AKR1C8: variants seen among roughly 807,000 people sequenced by gnomAD.
The protein encoded by AKR1C8 is aldo-keto reductase family 1 member C-like protein 1.
At chr10:5,132,268 A>C in the AKR1C8 span, among the ~76,000 whole-genome samples, 1 of 152,286 alleles carries the variant, frequency 6.6e-6, no homozygotes, top group African/African-American at 2.4e-5. Context: ...TAAATCTCAG[A>C]ATCATCACTA....
At chr10:5,132,484 T>G in the AKR1C8 span, 1 of 947,208 alleles carries the variant, frequency 1.1e-6, no homozygotes, top group South Asian at 3.4e-5. Flanking sequence ...TGAATATGTG[T>G]CAATAAATTG....
chr10:5,117,822 T>C, the AKR1C8 span, among the ~76,000 whole-genome samples: 1 of 152,012 alleles, frequency 6.6e-6, no homozygotes, highest in African/African-American at 2.4e-5. Context: ...ATGAAAAAAG[T>C]AATAAAGCCA....
chr10:5,130,871 G>C, the AKR1C8 span, among the ~76,000 whole-genome samples: 4 of 151,740 alleles, frequency 2.6e-5, no homozygotes, highest in African/African-American at 9.7e-5. Flanking sequence ...AACCACAAAA[G>C]AGCCACAATA....
chr10:5,178,274 A>C, the AKR1C8 span, among the ~76,000 whole-genome samples: 1 of 152,022 alleles, frequency 6.6e-6, no homozygotes, highest in Non-Finnish European at 1.5e-5. Flanking sequence ...TTCAGTTTCC[A>C]TGTAGTTGAG....
At chr10:5,181,030 T>A in the AKR1C8 span, among the ~76,000 whole-genome samples, 4 of 152,320 alleles carry the variant, frequency 2.6e-5, no homozygotes, top group Non-Finnish European at 4.4e-5. Flanking sequence ...CCTTGTGAGA[T>A]GAACCCGGTA....
At chr10:5,158,432 G>A in the AKR1C8 span, among the ~76,000 whole-genome samples, 1 of 152,198 alleles carries the variant, frequency 6.6e-6, no homozygotes, top group Non-Finnish European at 1.5e-5. Context: ...AAGAATGTTG[G>A]TGACATTTAA....
At chr10:5,155,210 A>C in the AKR1C8 span, 16 of 152,310 alleles carry the variant, frequency 1.1e-4, no homozygotes, top group African/African-American at 3.6e-4. Flanking sequence ...TCCTGTATTA[A>C]TACTTAAATT....
the AKR1C8 span, among the ~76,000 whole-genome samples, chr10:5,168,130 A>C: frequency 6.6e-6 from 1 of 152,212 alleles, no homozygotes; most frequent in South Asian, 2.1e-4. Flanking sequence ...ATACTATCCA[A>C]CAACTAGATC....
At chr10:5,161,264 T>G in the AKR1C8 span, among the ~76,000 whole-genome samples, 1 of 152,198 alleles carries the variant, frequency 6.6e-6, no homozygotes, top group African/African-American at 2.4e-5. Context: ...TGGAGGACAG[T>G]GCTTAATATA....
At chr10:5,179,958 C>A in the AKR1C8 span, among the ~76,000 whole-genome samples, 19,453 of 152,184 alleles carry the variant, frequency 0.13, 1,503 homozygotes, top group Admixed American at 0.17. Context: ...TCATCTGAAG[C>A]CTTCTTCTCT....
chr10:5,117,830 C>A, the AKR1C8 span, among the ~76,000 whole-genome samples: 1 of 152,120 alleles, frequency 6.6e-6, no homozygotes, highest in African/African-American at 2.4e-5. Context: ...AGTAATAAAG[C>A]CAGAATTCAC....
chr10:5,155,654 G>T, the AKR1C8 span: 1 of 461,538 alleles, frequency 2.2e-6, no homozygotes. Flanking sequence ...GCCTGTGAGA[G>T]AATCTACAAG....
At chr10:5,130,740 C>T in the AKR1C8 span, among the ~76,000 whole-genome samples, 2 of 151,752 alleles carry the variant, frequency 1.3e-5, no homozygotes, top group African/African-American at 4.8e-5. Context: ...AACATCTCTA[C>T]AAGGAAAACT....
chr10:5,123,550 C>T, the AKR1C8 span: 3 of 658,446 alleles, frequency 4.6e-6, no homozygotes, highest in Non-Finnish European at 7.7e-6. Flanking sequence ...CAAGTGAGGC[C>T]CCTGAATAAC....
chr10:5,119,417 A>T, the AKR1C8 span, among the ~76,000 whole-genome samples: 1 of 152,218 alleles, frequency 6.6e-6, no homozygotes, highest in Admixed American at 6.5e-5. Context: ...AGATGATTTC[A>T]TGATTGTAAA....
the AKR1C8 span, among the ~76,000 whole-genome samples, chr10:5,135,985 A>G: frequency 1.3e-5 from 2 of 152,194 alleles, no homozygotes; most frequent in Non-Finnish European, 2.9e-5. Flanking sequence ...AAATTATGAC[A>G]TGATGTTTAT....
chr10:5,127,722 CAAAAAAAAAAAAAAA>C, the AKR1C8 span, among the ~76,000 whole-genome samples: 1 of 79,660 alleles, frequency 1.3e-5, no homozygotes, highest in South Asian at 4.9e-4. Flanking sequence ...AAGACTCTGT[CAAAAAAAAAAAAAAA>C]AAAAAAAAAA....
the AKR1C8 span, among the ~76,000 whole-genome samples, chr10:5,143,868 A>G: frequency 6.6e-6 from 1 of 151,794 alleles, no homozygotes; most frequent in Non-Finnish European, 1.5e-5. Flanking sequence ...TTTGGAGTTT[A>G]TGGAATGACC....
chr10:5,140,716 C>T, the AKR1C8 span, among the ~76,000 whole-genome samples: 14 of 151,874 alleles, frequency 9.2e-5, no homozygotes, highest in Non-Finnish European at 5.9e-5. Flanking sequence ...TTAATGGGTG[C>T]TGCAAACCAA....
Sources: gnomAD v4.1 joint callset for allele counts (sites outside exome capture counted in the v4.1 genomes callset) on GRCh38, gnomAD v4.1.1 for gene constraint, MANE v1.5 for transcripts, NCBI Gene and HGNC (gene_info 2026-07-23, HGNC 2026-07-21) for gene names.